ZNF765: variants seen among roughly 807,000 people sequenced by gnomAD.
The protein encoded by ZNF765 is zinc finger protein 765.
ZNF765 carries 37 observed loss-of-function variants against 44.7 expected under a neutral mutation model. That is an observed-to-expected ratio of 0.83 (90% confidence interval 0.64 to 1.09). The LOEUF (loss-of-function observed/expected upper bound fraction) is 1.09, where lower values mean the gene tolerates loss of function less well. Ranked by LOEUF, ZNF765 falls within the 50% of genes least tolerant of loss-of-function variation. ZNF765 has a pLI of 0.00. For missense variants in ZNF765, 594 were observed against 626.1 expected (o/e 0.95, Z 0.55); for synonymous variants, 201 against 213.7 (o/e 0.94, Z 0.52).
chr19:53,405,456 C>T (rs1335812555), intron 3 of ZNF765, among the ~76,000 whole-genome samples: 3 of 151,890 alleles, frequency 2.0e-5, no homozygotes, highest in Non-Finnish European at 2.9e-5. Flanking sequence ...AGGCTTCAGA[C>T]ACAGAAATTT....
At chr19:53,418,791 G>C (rs1040911424) in intron 3 of ZNF765, among the ~76,000 whole-genome samples, 2 of 151,540 alleles carry the variant, frequency 1.3e-5, no homozygotes, top group African/African-American at 4.9e-5. Context: ...TGTAATCCCA[G>C]CTACTCTGGA....
rs2085687130 is a variant in ZNF765, at chr19:53,397,974, G to A, written c.-42G>A. 1.9e-6 allele frequency: 3 copies of A among 1,611,688 alleles called. No homozygotes were observed. ...CTTCTAAAGACTCTTGGTATGTGAG[G>A]AAGAAACCTGGAAGAGGAAGAGGAA... On this transcript the variant is annotated 5_prime_UTR_variant, in exon 2 of 4. Coordinates refer to ENST00000396408, the MANE Select transcript of ZNF765 (RefSeq NM_001040185.3).
chr19:53,407,841 G>C lies in ZNF765; in HGVS notation c.286G>C (p.Asp96His). ...CCAGGATATTGATAAAGATATTCAT[G>C]ACATTGAGTTTCAGTGGCAAGAAGA... ...CFQDIDKDIH[D>H]IEFQWQEDER... Residue 96 changes from aspartate to histidine, a missense_variant, in exon 4 of 4, where the codon GAC becomes CAC. Asp to His is a moderately conservative substitution (Grantham distance 81). Coordinates refer to ENST00000396408, the MANE Select transcript of ZNF765 (RefSeq NM_001040185.3). 6.2e-7 allele frequency: 1 copy of C among 1,613,328 alleles called. No homozygotes were observed. The highest frequency in any genetic ancestry group is 8.5e-7 in the Non-Finnish European group (1 of 1,179,808).
chr19:53,418,761 C>T (rs890676373), intron 3 of ZNF765, among the ~76,000 whole-genome samples: 5 of 151,780 alleles, frequency 3.3e-5, no homozygotes, highest in Admixed American at 6.6e-5. Context: ...AAAAATTAGC[C>T]GGGCTTAGTG....
chr19:53,402,318 A>G (rs1202887205), intron 3 of ZNF765, 127 bp downstream of exon 3: 14 of 1,453,104 alleles, frequency 9.6e-6, no homozygotes, highest in East Asian at 9.4e-5. Context: ...GTGCTGTGGC[A>G]TGATCTCGGC....
rs1258819483 is a variant in ZNF765, at chr19:53,408,464, A to AT, written c.910dup (p.Cys304LeufsTer2). 7 of 1,612,442 alleles carry AT rather than the reference A, an allele frequency of 4.3e-6. No homozygotes were observed. The highest frequency in any genetic ancestry group is 5.9e-6 in the Non-Finnish European group (7 of 1,179,484). ...GAGAGAAACCTTACAAATGTGAAGA[A>AT]TGTGACAAAGCTTTCCATTTCAAAT... On this transcript the variant is annotated frameshift_variant, in exon 4 of 4. Transcript: ENST00000396408. LOFTEE classifies it high-confidence loss of function.
intron 3 of ZNF765, among the ~76,000 whole-genome samples, chr19:53,421,310 C>G (rs908833092): frequency 6.6e-6 from 1 of 152,130 alleles, no homozygotes; most frequent in Non-Finnish European, 1.5e-5. Context: ...TAGTGATCAA[C>G]AAATACTGAG....
Position 53,410,754 on chromosome 19 carries a change from T to G in ZNF765, c.*1627T>G. 1 of 439,352 alleles carries G rather than the reference T, an allele frequency of 2.3e-6. No homozygotes were observed. Among genetic ancestry groups the G allele is most frequent in the Non-Finnish European group, 4.7e-6 (1 of 214,662 alleles). The allele number at this position is 439,352 out of a possible 1,614,324, so 27.2% of individuals were successfully genotyped here. ...GGCGAACTCGTACTGGAGAGAAACCTTACAAATGTCATGATTGTGACAAGG... is the reference window on the plus strand; with the variant it reads ...GGCGAACTCGTACTGGAGAGAAACCGTACAAATGTCATGATTGTGACAAGG... On this transcript the variant is annotated 3_prime_UTR_variant, in exon 4 of 4. Coordinates refer to ENST00000396408, the MANE Select transcript of ZNF765 (RefSeq NM_001040185.3).
Position 53,396,249 on chromosome 19 carries a change from A to T in ZNF765, c.-74+1056A>T, listed in dbSNP as rs117552714. On this transcript the variant is annotated intron_variant, in intron 1 of 3. Transcript: ENST00000396408. ...TCTGGGGTGCTAGAGAGTGGGGATG[A>T]GGGTATAACAGGGAAGAGAGAATGT... 4.6e-3 allele frequency among the ~76,000 whole-genome samples: 687 copies of T among 150,130 alleles called. 4 individuals are homozygous for T. The highest frequency in any genetic ancestry group is 0.016 in the African/African-American group (648 of 40,778).
intron 2 of ZNF765, 70 bp downstream of exon 2, chr19:53,398,100 T>A: frequency 1.9e-6 from 3 of 1,612,388 alleles, no homozygotes; most frequent in Non-Finnish European, 2.5e-6. Context: ...GAGTTTGGAA[T>A]CTTCTCTGAG....
chr19:53,421,049 T>C (rs1393893540), intron 3 of ZNF765, among the ~76,000 whole-genome samples: 1 of 152,160 alleles, frequency 6.6e-6, no homozygotes, highest in Admixed American at 6.5e-5. Flanking sequence ...AATGTCTCAG[T>C]GTAAAACCTG....
intron 3 of ZNF765, among the ~76,000 whole-genome samples, chr19:53,405,356 T>G (rs1022622087): frequency 6.6e-6 from 1 of 151,742 alleles, no homozygotes. Context: ...CGGGCTGAGG[T>G]GGGAAAATCA....
chr19:53,398,456 T>G (rs1343171989), intron 2 of ZNF765, among the ~76,000 whole-genome samples: 2 of 152,170 alleles, frequency 1.3e-5, no homozygotes, highest in Non-Finnish European at 2.9e-5. Context: ...ATGGAGCAAT[T>G]TTTTCTGCCT....
intron 3 of ZNF765, among the ~76,000 whole-genome samples, chr19:53,407,448 AG>A (rs890735892): frequency 6.6e-6 from 1 of 152,196 alleles, no homozygotes; most frequent in Non-Finnish European, 1.5e-5. Context: ...TCCTTACTTT[AG>A]GCTACACGTT....
intron 2 of ZNF765, 92 bp downstream of exon 2, chr19:53,398,122 T>C (rs2464903): frequency 0.061 from 98,529 of 1,606,168 alleles, 7,309 homozygotes; most frequent in East Asian, 0.33. Flanking sequence ...CTGAAGCATC[T>C]TGCCTGACAG....
chr19:53,421,137 C>T lies in ZNF765; in HGVS notation c.143-1925C>T, dbSNP rs147197348. Among the ~76,000 whole-genome samples the T allele has an allele frequency of 7.9e-3, 1,200 of 152,320 alleles. 15 individuals are homozygous for T. The highest frequency in any genetic ancestry group is 0.027 in the African/African-American group (1,136 of 41,558). On this transcript the variant is annotated intron_variant, in intron 3 of 3. Transcript: ENST00000594030. The stretch of plus-strand genomic sequence containing the variant: ...GAGACATGCTGGCGGCAATACTGCT[C>T]TTTACTGCACAGAGATGTTTGTGTA...
At chr19:53,407,386 GAT>G (rs1228756861) in intron 3 of ZNF765, among the ~76,000 whole-genome samples, 5 of 152,092 alleles carry the variant, frequency 3.3e-5, no homozygotes, top group East Asian at 1.9e-4. Flanking sequence ...ATGTGACAGT[GAT>G]ATGTTTTTTA....
At position 53,402,129 on chromosome 19, in the gene ZNF765, C is replaced by T. The variant is rs1285123249; in HGVS notation, c.80C>T (p.Pro27Leu). ...FSQEEWKCLDPAQRTLYRDVM... is the reference protein window; with the variant it reads ...FSQEEWKCLDLAQRTLYRDVM... ...CAGGAGGAGTGGAAATGCCTGGACC[C>T]TGCTCAGAGGACTCTATACAGGGAC... The change falls in exon 3 of 4, where the codon CCT (proline) becomes CTT (leucine). Residue 27 changes from proline to leucine, a missense_variant. This residue lies in a region of ZNF765 where 27 missense variants were observed against 53.6 expected (regional missense o/e 0.50). Coordinates refer to ENST00000396408, the MANE Select transcript of ZNF765 (RefSeq NM_001040185.3). The T allele has an allele frequency of 1.9e-6, 3 of 1,614,030 alleles. No individual in the cohort carries two copies. The highest frequency in any genetic ancestry group is 2.5e-6 in the Non-Finnish European group (3 of 1,179,978).
At chr19:53,402,410 A>C (rs959790347) in intron 3 of ZNF765, among the ~76,000 whole-genome samples, 6 of 151,300 alleles carry the variant, frequency 4.0e-5, no homozygotes, top group African/African-American at 7.3e-5. Context: ...GCACCCACCA[A>C]CATGCCTGGC....
Sources: allele counts gnomAD v4.1 joint callset (sites outside exome capture counted in the v4.1 genomes callset), GRCh38; gene constraint gnomAD v4.1.1; regional missense constraint gnomAD v4.1.1; transcripts MANE v1.5; gene names NCBI Gene and HGNC (gene_info 2026-07-23, HGNC 2026-07-21).